Variants in AATF observed in about 807,000 individuals in gnomAD.
AATF encodes protein AATF.
Under a neutral mutation model 63.7 loss-of-function variants are expected in AATF, and 48 were observed. The ratio of observed to expected loss-of-function variants is 0.75; its 90% CI spans 0.60 to 0.96. The LOEUF (loss-of-function observed/expected upper bound fraction) is 0.96. Among genes scored for constraint, AATF ranks in the 40% least tolerant of loss-of-function variants. The pLI is 0.00. For missense variants in AATF, 639 were observed against 685.7 expected, an observed-to-expected ratio of 0.93 and a Z score of 0.76; for synonymous variants, 258 against 247.7, an observed-to-expected ratio of 1.04 and a Z score of -0.39.
chr17:36,968,602 T>C (rs1269834571), intron 4 of AATF, among the ~76,000 whole-genome samples: 1 of 152,002 alleles, frequency 6.6e-6, no homozygotes, highest in Non-Finnish European at 1.5e-5. Flanking sequence ...TATTTTATTT[T>C]ATTTTATTGT....
chr17:36,964,206 C>G (rs1387096563), intron 4 of AATF, among the ~76,000 whole-genome samples: 2 of 131,918 alleles, frequency 1.5e-5, no homozygotes, highest in East Asian at 2.1e-4. Context: ...GAAGTATCAG[C>G]GTGTTTGCAT....
chr17:37,001,392 G>A (rs1307631009), intron 8 of AATF, among the ~76,000 whole-genome samples: 3 of 122,608 alleles, frequency 2.4e-5, no homozygotes, highest in African/African-American at 9.6e-5. Context: ...AAAAAGGTAT[G>A]GGAGGAGGGA....
Position 36,957,856 on chromosome 17 carries a change from C to G in AATF, c.832+3949C>G, listed in dbSNP as rs2070914631. ...AAAATAACAGACTTCCAGCTGTATT[C>G]TAGCTCCAGTAAACTCCTGAGTACC... On this transcript the variant is annotated intron_variant, in intron 4 of 11. Transcript: ENST00000619387. Among the ~76,000 whole-genome samples the G allele has an allele frequency of 2.0e-5, 3 of 152,214 alleles. No individual in the cohort carries two copies. In the South Asian group the frequency reaches 6.2e-4, roughly 32 times the overall value.
intron 4 of AATF, among the ~76,000 whole-genome samples, chr17:36,984,638 TTGCGG>T (rs1329259207): frequency 2.6e-5 from 4 of 152,166 alleles, no homozygotes; most frequent in African/African-American, 9.7e-5. Context: ...GTTTTGTTTT[TTGCGG>T]GGAGATTTTG....
chr17:37,008,308 T>C (rs1205046162), intron 8 of AATF, among the ~76,000 whole-genome samples: 1 of 152,214 alleles, frequency 6.6e-6, no homozygotes, highest in Non-Finnish European at 1.5e-5. Context: ...ATTACCACTT[T>C]ATAAGATGAG....
At chr17:36,971,810 A>G (rs7209530) in intron 4 of AATF, among the ~76,000 whole-genome samples, 5,581 of 152,328 alleles carry the variant, frequency 0.037, 350 homozygotes, top group African/African-American at 0.13. Context: ...AAGATTTTAT[A>G]CTTGGAAATT....
chr17:37,028,578 G>A (rs1455734005), intron 10 of AATF, among the ~76,000 whole-genome samples: 3 of 152,114 alleles, frequency 2.0e-5, no homozygotes, highest in African/African-American at 7.2e-5. Context: ...TCAAGTCCAG[G>A]AGTTCTAGAC....
intron 11 of AATF, among the ~76,000 whole-genome samples, chr17:37,038,285 T>C (rs1327933402): frequency 6.6e-6 from 1 of 152,230 alleles, no homozygotes; most frequent in Non-Finnish European, 1.5e-5. Context: ...ACTGAGTTAA[T>C]TGTCATTTGT....
intron 8 of AATF, among the ~76,000 whole-genome samples, chr17:37,010,427 C>G (rs1438516386): frequency 6.6e-6 from 1 of 152,018 alleles, no homozygotes; most frequent in Non-Finnish European, 1.5e-5. Flanking sequence ...CACTGCACTC[C>G]AGCCTGGGCG....
intron 8 of AATF, among the ~76,000 whole-genome samples, chr17:37,018,540 T>G (rs909796848): frequency 6.6e-6 from 1 of 152,212 alleles, no homozygotes; most frequent in Non-Finnish European, 1.5e-5. Flanking sequence ...TAAAGGCTTT[T>G]TGCCTGAGGA....
At chr17:36,966,535 T>C in intron 4 of AATF, among the ~76,000 whole-genome samples, 1 of 152,192 alleles carries the variant, frequency 6.6e-6, no homozygotes, top group East Asian at 1.9e-4. Flanking sequence ...CCCAAAATGC[T>C]GGGATTACAG....
At chr17:36,999,392 T>C (rs2071277667) in intron 8 of AATF, among the ~76,000 whole-genome samples, 1 of 152,228 alleles carries the variant, frequency 6.6e-6, no homozygotes, top group Non-Finnish European at 1.5e-5. Flanking sequence ...CTGTTTAGAT[T>C]TAAATTTTGA....
At chr17:36,962,007 ATATATTGCCTAAC>A (rs2070951426) in intron 4 of AATF, among the ~76,000 whole-genome samples, 1 of 152,102 alleles carries the variant, frequency 6.6e-6, no homozygotes. Context: ...GGCTTTTGGA[ATATATTGCCTAAC>A]TAGCCCCTGG....
chr17:36,987,806 CAGTT>C (rs1317799447), intron 5 of AATF, among the ~76,000 whole-genome samples: 1 of 152,186 alleles, frequency 6.6e-6, no homozygotes, highest in African/African-American at 2.4e-5. Context: ...CTTTCCTTAA[CAGTT>C]GGTTACAGAG....
At chr17:36,960,333 A>G (rs1461937505) in intron 4 of AATF, among the ~76,000 whole-genome samples, 3 of 152,218 alleles carry the variant, frequency 2.0e-5, no homozygotes, top group East Asian at 3.8e-4. Context: ...TTTAATGGTA[A>G]TTTGTCCTCA....
intron 4 of AATF, among the ~76,000 whole-genome samples, chr17:36,963,866 A>G (rs929497813): frequency 7.2e-5 from 11 of 152,100 alleles, no homozygotes; most frequent in African/African-American, 2.7e-4. Context: ...TACAGGCTTG[A>G]CTGGAATGGG....
intron 10 of AATF, among the ~76,000 whole-genome samples, chr17:37,028,907 T>C (rs1385367307): frequency 6.6e-6 from 1 of 152,202 alleles, no homozygotes. Flanking sequence ...TATGGGACAT[T>C]GCTTATAAGG....
chr17:36,963,934 T>G (rs2070969139), intron 4 of AATF, among the ~76,000 whole-genome samples: 1 of 152,090 alleles, frequency 6.6e-6, no homozygotes, highest in Non-Finnish European at 1.5e-5. Flanking sequence ...CCTAGCACTT[T>G]GGGAGGCCAA....
chr17:37,022,485 C>T lies in AATF; in HGVS notation c.1547+1471C>T, dbSNP rs2071480254. Among the ~76,000 whole-genome samples the T allele has an allele frequency of 2.6e-5, 4 of 152,074 alleles. No homozygotes were observed. In the South Asian group the frequency reaches 8.3e-4, roughly 32 times the overall value. ...AAAGTATCGTCCTTTGATTTAGGGT[C>T]GCTTTTTTAAAATCTCAGGTTAAAT... On this transcript the variant is annotated intron_variant, in intron 10 of 11. Coordinates refer to ENST00000619387, the MANE Select transcript of AATF (RefSeq NM_012138.4).
Sources: gnomAD v4.1 joint callset for allele counts (sites outside exome capture counted in the v4.1 genomes callset) on GRCh38, gnomAD v4.1.1 for gene constraint, MANE v1.5 for transcripts, NCBI Gene and HGNC (gene_info 2026-07-23, HGNC 2026-07-21) for gene names.